ADIPOR2: variants seen among roughly 807,000 people sequenced by gnomAD.
ADIPOR2 encodes adiponectin receptor 2, also known as adiponectin receptor protein 2.
In ADIPOR2, 18 loss-of-function variants were observed where a neutral mutation model predicts 40.9. That is an observed-to-expected ratio of 0.44 (90% CI 0.30 to 0.65). The LOEUF is 0.65. Among genes scored for constraint, ADIPOR2 ranks in the 30% least tolerant of loss-of-function variants. The probability of loss-of-function intolerance (pLI) is 0.09; values close to 1 mark genes in which losing one functional copy is unlikely to be tolerated. For synonymous variants in ADIPOR2, 165 were observed against 166.4 expected (o/e 0.99, Z 0.06); for missense variants, 283 against 479.2 (o/e 0.59, Z 3.82).
At chr12:1,716,787 T>G (rs1322390033) in intron 1 of ADIPOR2, among the ~76,000 whole-genome samples, 1 of 152,240 alleles carries the variant, frequency 6.6e-6, no homozygotes, top group Non-Finnish European at 1.5e-5. Flanking sequence ...CAATTTTTCA[T>G]CCAGCCCTTT....
chr12:1,712,166 A>G (rs2094678639), intron 1 of ADIPOR2, among the ~76,000 whole-genome samples: 1 of 152,066 alleles, frequency 6.6e-6, no homozygotes, highest in South Asian at 2.1e-4. Flanking sequence ...AGCTAAGGGG[A>G]CTTCTAAGAG....
intron 1 of ADIPOR2, among the ~76,000 whole-genome samples, chr12:1,720,427 T>C (rs1015333146): frequency 3.3e-5 from 5 of 152,212 alleles, no homozygotes; most frequent in African/African-American, 4.8e-5. Context: ...TACATTGTAA[T>C]ATATAATGAA....
intron 2 of ADIPOR2, among the ~76,000 whole-genome samples, chr12:1,757,038 T>A (rs9300298): frequency 0.55 from 84,009 of 151,974 alleles, 23,869 homozygotes; most frequent in African/African-American, 0.68. Context: ...GTGTCACGAT[T>A]AGATTTTTAT....
At chr12:1,730,996 A>T (rs930873403) in intron 1 of ADIPOR2, 1 of 152,232 alleles carries the variant, frequency 6.6e-6, no homozygotes, top group Non-Finnish European at 1.5e-5. Context: ...TACTGCATAT[A>T]TGTGAAGGGC....
At chr12:1,709,601 G>A (rs1050755968) in intron 1 of ADIPOR2, among the ~76,000 whole-genome samples, 12 of 152,196 alleles carry the variant, frequency 7.9e-5, no homozygotes, top group African/African-American at 2.6e-4. Flanking sequence ...AATTTGTAAC[G>A]TAGAAGTACA....
At chr12:1,694,539 CAA>C (rs2094634021) in intron 1 of ADIPOR2, among the ~76,000 whole-genome samples, 1 of 151,748 alleles carries the variant, frequency 6.6e-6, no homozygotes, top group South Asian at 2.1e-4. Flanking sequence ...GGAATAAAGA[CAA>C]GAAAAAAAAG....
intron 1 of ADIPOR2, chr12:1,702,770 GATT>G (rs1390992133): frequency 6.6e-6 from 1 of 152,198 alleles, no homozygotes; most frequent in Non-Finnish European, 1.5e-5. Context: ...AAATAGAAAT[GATT>G]ATTATAAAAT....
intron 2 of ADIPOR2, among the ~76,000 whole-genome samples, chr12:1,769,393 G>A (rs368084770): frequency 8.5e-5 from 13 of 152,132 alleles, no homozygotes; most frequent in African/African-American, 2.9e-4. Context: ...TAGCAACTCC[G>A]TTAATACTTG....
chr12:1,756,452 CTT>C (rs71055194), intron 2 of ADIPOR2, among the ~76,000 whole-genome samples: 39 of 132,350 alleles, frequency 2.9e-4, no homozygotes, highest in Non-Finnish European at 2.4e-4. Flanking sequence ...GCCTGGCCTT[CTT>C]TTTTTTTTTT....
At chr12:1,766,546 C>T (rs531606064) in intron 2 of ADIPOR2, among the ~76,000 whole-genome samples, 2 of 152,244 alleles carry the variant, frequency 1.3e-5, no homozygotes, top group South Asian at 2.1e-4. Flanking sequence ...AGACCATTGC[C>T]CCTAGGCCTC....
chr12:1,742,014 A>T (rs905074223), intron 1 of ADIPOR2, among the ~76,000 whole-genome samples: 12 of 152,328 alleles, frequency 7.9e-5, no homozygotes, highest in Non-Finnish European at 1.8e-4. Context: ...TTAAAAAAAA[A>T]AAAAGACAAA....
At chr12:1,746,329 A>T (rs1313680549) in intron 1 of ADIPOR2, among the ~76,000 whole-genome samples, 3 of 152,116 alleles carry the variant, frequency 2.0e-5, no homozygotes, top group African/African-American at 7.2e-5. Context: ...CTTTACTAAA[A>T]ATACAAAGAT....
At chr12:1,713,368 T>C (rs1382507655) in intron 1 of ADIPOR2, among the ~76,000 whole-genome samples, 3 of 152,248 alleles carry the variant, frequency 2.0e-5, no homozygotes, top group Middle Eastern at 6.8e-3. Flanking sequence ...ACTCCTAGAA[T>C]TGGGGTGTTG....
chr12:1,716,703 T>TA (rs1014648751), intron 1 of ADIPOR2, among the ~76,000 whole-genome samples: 4 of 152,230 alleles, frequency 2.6e-5, no homozygotes, highest in African/African-American at 9.6e-5. Context: ...GCACCTGAAT[T>TA]ACATTTTCGG....
At chr12:1,754,592 AG>A in intron 2 of ADIPOR2, 78 bp downstream of exon 2, 1 of 1,409,852 alleles carries the variant, frequency 7.1e-7, no homozygotes, top group Middle Eastern at 2.2e-4. Flanking sequence ...GGGAAAAAAA[AG>A]TGGGGGTCCA....
At chr12:1,714,140 A>G (rs1003944270) in intron 1 of ADIPOR2, among the ~76,000 whole-genome samples, 1 of 152,070 alleles carries the variant, frequency 6.6e-6, no homozygotes, top group Admixed American at 6.5e-5. Context: ...TCGTTGGACA[A>G]TCTTTTTTAA....
intron 1 of ADIPOR2, among the ~76,000 whole-genome samples, chr12:1,750,484 G>A (rs531346262): frequency 4.0e-5 from 6 of 151,598 alleles, no homozygotes; most frequent in South Asian, 4.2e-4. Context: ...AGGAGGATCC[G>A]TTGAGCCCAG....
intron 1 of ADIPOR2, among the ~76,000 whole-genome samples, chr12:1,738,486 A>AT (rs1007888392): frequency 6.6e-6 from 1 of 152,052 alleles, no homozygotes; most frequent in Non-Finnish European, 1.5e-5. Flanking sequence ...AAAAACATTC[A>AT]TTTTTTTCCT....
chr12:1,757,690 A>C, intron 2 of ADIPOR2: 1 of 1,316,300 alleles, frequency 7.6e-7, no homozygotes, highest in South Asian at 1.2e-5. Flanking sequence ...ATGTACAGCA[A>C]AGCGACCCTT....
Sources: gnomAD v4.1 joint callset for allele counts (sites outside exome capture counted in the v4.1 genomes callset) on GRCh38, gnomAD v4.1.1 for gene constraint, MANE v1.5 for transcripts, NCBI Gene and HGNC (gene_info 2026-07-23, HGNC 2026-07-21) for gene names.